PGM1: variants seen among roughly 807,000 people sequenced by gnomAD.
PGM1 encodes the protein phosphoglucomutase 1.
A neutral mutation model predicts 55.6 loss-of-function variants in PGM1; 52 were observed. The ratio of observed to expected loss-of-function variants is 0.94; its 90% CI spans 0.75 to 1.18. PGM1 has a LOEUF of 1.18. Among genes scored for constraint, PGM1 ranks in the 50% most tolerant of loss-of-function variants. The probability of loss-of-function intolerance (pLI) is 0.00; values close to 1 mark genes in which losing one functional copy is unlikely to be tolerated. For synonymous variants in PGM1, 287 were observed against 271.7 expected (o/e 1.06, Z -0.55); for missense variants, 724 against 729.3 (o/e 0.99, Z 0.08).
chr1:63,630,444 A>C (rs1023995842), intron 3 of PGM1, among the ~76,000 whole-genome samples: 1 of 152,122 alleles, frequency 6.6e-6, no homozygotes, highest in African/African-American at 2.4e-5. Context: ...TTTTATTCTC[A>C]CAGTAGATCT....
intron 4 of PGM1, among the ~76,000 whole-genome samples, chr1:63,633,258 C>T (rs1176864620): frequency 6.6e-6 from 1 of 152,076 alleles, no homozygotes; most frequent in Non-Finnish European, 1.5e-5. Flanking sequence ...GGCATGAAGG[C>T]TTAAAAATGG....
intron 6 of PGM1, among the ~76,000 whole-genome samples, 200 bp downstream of exon 6, chr1:63,636,588 G>A (rs189141848): frequency 8.8e-4 from 134 of 152,178 alleles, no homozygotes; most frequent in Non-Finnish European, 1.6e-3. Context: ...TGGCACCCTG[G>A]GCCTCCTCCT....
intron 1 of PGM1, among the ~76,000 whole-genome samples, chr1:63,611,350 T>C (rs1648560007): frequency 1.3e-5 from 2 of 152,228 alleles, no homozygotes; most frequent in South Asian, 2.1e-4. Flanking sequence ...AAGGAGATCC[T>C]TGTAGAAAGT....
At chr1:63,628,101 C>T (rs538209295) in intron 1 of PGM1, among the ~76,000 whole-genome samples, 1 of 152,238 alleles carries the variant, frequency 6.6e-6, no homozygotes, top group East Asian at 1.9e-4. Flanking sequence ...TGCAGTGGTA[C>T]TTGGGAAGAG....
rs752988330 is a variant in PGM1 at position 63,631,802 on chromosome 1, C to T, written c.682+20C>T. ...ATGGAGGTATACAATCATTTCTTTTCAATTCCCATCTCTTGAGGATAGGAA... is the reference window on the plus strand; with the variant it reads ...ATGGAGGTATACAATCATTTCTTTTTAATTCCCATCTCTTGAGGATAGGAA... On this transcript the variant is annotated intron_variant, in intron 4 of 10. Coordinates refer to ENST00000371084, the MANE Select transcript of PGM1 (RefSeq NM_002633.3). 4 of 1,612,038 alleles carry T rather than the reference C, an allele frequency of 2.5e-6. No individual in the cohort carries two copies. The Admixed American group carries it at 5.0e-5, about 20-fold the overall frequency.
chr1:63,629,643 A>G, intron 2 of PGM1, 56 bp downstream of exon 2: 1 of 1,537,378 alleles, frequency 6.5e-7, no homozygotes, highest in Non-Finnish European at 9.0e-7. Context: ...GGACAAATCA[A>G]TACCTGGAGC....
At chr1:63,608,399 C>T (rs185662798) in intron 1 of PGM1, among the ~76,000 whole-genome samples, 27 of 152,290 alleles carry the variant, frequency 1.8e-4, no homozygotes, top group African/African-American at 6.0e-4. Context: ...GCCAAATACC[C>T]GGCCCTGACC....
At position 63,604,959 on chromosome 1, in the gene PGM1, G is replaced by GTGTGTGTGTGTGTGTGTT. The variant is rs58900430; in HGVS notation, c.246+11226_246+11227insGTGTGTGTGTGTGTGTTT. Among the ~76,000 whole-genome samples the GTGTGTGTGTGTGTGTGTT allele has an allele frequency of 2.1e-3, 276 of 134,292 alleles. 3 individuals are homozygous for GTGTGTGTGTGTGTGTGTT. The highest frequency in any genetic ancestry group is 2.5e-3 in the East Asian group (12 of 4,752). The allele number at this position is 134,292 out of a possible 152,430, so 88.1% of individuals were successfully genotyped here. On this transcript the variant is annotated intron_variant, in intron 1 of 10. Transcript: ENST00000371084. Reference sequence around the variant, plus strand: ...TGTGTGTGTGTGTGTGTGTGTGTGTGTAAAGAGAGGGGATATAGTTGTATA... The same window carrying GTGTGTGTGTGTGTGTGTT: ...TGTGTGTGTGTGTGTGTGTGTGTGTGTGTGTGTGTGTGTGTGTTTAAAGAGAGGGGATATAGTTGTATA...
At chr1:63,615,367 A>C (rs1057034027) in intron 1 of PGM1, among the ~76,000 whole-genome samples, 1 of 152,036 alleles carries the variant, frequency 6.6e-6, no homozygotes, top group East Asian at 1.9e-4. Flanking sequence ...CACTCTCTGC[A>C]TTTTATGGAA....
chr1:63,613,669 A>C (rs1648628229), intron 1 of PGM1, among the ~76,000 whole-genome samples: 1 of 150,008 alleles, frequency 6.7e-6, no homozygotes, highest in Non-Finnish European at 1.5e-5. Context: ...ATAAGGTCAC[A>C]TCCCCAGGTT....
intron 1 of PGM1, among the ~76,000 whole-genome samples, chr1:63,621,387 A>G (rs1206844294): frequency 1.3e-5 from 2 of 152,128 alleles, no homozygotes; most frequent in East Asian, 3.9e-4. Flanking sequence ...TGGGATTTCA[A>G]GATCTCATTA....
Position 63,651,860 on chromosome 1 carries a change from C to T in PGM1, c.1464+8C>T, listed in dbSNP as rs1167624894. The T allele has an allele frequency of 6.2e-7, 1 of 1,612,268 alleles. No homozygotes were observed. On this transcript the variant is annotated splice_region_variant and intron_variant, in intron 9 of 10. Coordinates refer to ENST00000371084, the MANE Select transcript of PGM1 (RefSeq NM_002633.3). ...AGCATTTCAAGAAATCAGGTAGAAA[C>T]AGACCGGTGTGTAAGTGAGAGAGAG... is the stretch of plus-strand genomic sequence containing the variant.
At chr1:63,626,175 G>A (rs1273919049) in intron 1 of PGM1, among the ~76,000 whole-genome samples, 2 of 152,072 alleles carry the variant, frequency 1.3e-5, no homozygotes, top group Admixed American at 6.5e-5. Context: ...TGGCTGAGGG[G>A]GTTATCTCTA....
At chr1:63,611,389 G>T (rs1648560437) in intron 1 of PGM1, among the ~76,000 whole-genome samples, 1 of 152,140 alleles carries the variant, frequency 6.6e-6, no homozygotes, top group African/African-American at 2.4e-5. Flanking sequence ...TGTAAAGTAG[G>T]ACTCATCCTA....
At chr1:63,623,594 A>G (rs769782222) in intron 1 of PGM1, 19 of 1,612,834 alleles carry the variant, frequency 1.2e-5, no homozygotes, top group Non-Finnish European at 1.6e-5. Context: ...AAGAAAACCT[A>G]TTATTTTGAG....
At position 63,659,680 on chromosome 1, in the gene PGM1, A is replaced by T. The variant is rs901045488; in HGVS notation, c.*5A>T. On this transcript the variant is annotated 3_prime_UTR_variant, in exon 11 of 11. Transcript: ENST00000371084. ...GCACCCACTGTCATCACCTAAGAAG[A>T]CAGGCCTGATGTGGTACGTCCCTCC... 1.2e-6 allele frequency: 2 copies of T among 1,609,798 alleles called. No homozygotes were observed. The highest frequency in any genetic ancestry group is 1.7e-6 in the Non-Finnish European group (2 of 1,176,086).
At position 63,654,405 on chromosome 1, in the gene PGM1, C is replaced by T. The variant is rs1443343042; in HGVS notation, c.1538C>T (p.Thr513Ile). 2 of 1,614,108 alleles carry T rather than the reference C, an allele frequency of 1.2e-6. No individual in the cohort carries two copies. The highest frequency in any genetic ancestry group is 1.7e-6 in the Non-Finnish European group (2 of 1,179,964). ...AGCGGCACTGGGAGTGCCGGGGCCACCATTCGGCTGTACATCGATAGCTAT... is the reference window on the plus strand; with the variant it reads ...AGCGGCACTGGGAGTGCCGGGGCCATCATTCGGCTGTACATCGATAGCTAT... ...RLSGTGSAGATIRLYIDSYEK... is the reference protein window; with the variant it reads ...RLSGTGSAGAIIRLYIDSYEK... Residue 513 changes from threonine to isoleucine, a missense_variant, in exon 10 of 11, where the codon ACC becomes ATC. By Grantham distance (89) the Thr-to-Ile change is moderately conservative. This residue lies in a region of PGM1 where 316 missense variants were observed against 313.1 expected (regional missense o/e 1.01). Coordinates refer to ENST00000371084, the MANE Select transcript of PGM1 (RefSeq NM_002633.3).
intron 4 of PGM1, among the ~76,000 whole-genome samples, chr1:63,633,900 GTGTGTGTGTGTGTGTGTGTATATA>G (rs1649271601): frequency 8.9e-5 from 4 of 44,742 alleles, no homozygotes; most frequent in South Asian, 7.7e-4. Context: ...GTGTGTGTGT[GTGTGTGTGTGTGTGTGTGTATATA>G]TATATATATT....
At chr1:63,613,102 A>C (rs1648611365) in intron 1 of PGM1, among the ~76,000 whole-genome samples, 1 of 152,070 alleles carries the variant, frequency 6.6e-6, no homozygotes, top group African/African-American at 2.4e-5. Context: ...GTTTGTGTAT[A>C]TGGAGCATGG....
Sources: gnomAD v4.1 joint callset for allele counts (sites outside exome capture counted in the v4.1 genomes callset) on GRCh38, gnomAD v4.1.1 for gene constraint, gnomAD v4.1.1 regional missense constraint, MANE v1.5 for transcripts, NCBI Gene and HGNC (gene_info 2026-07-23, HGNC 2026-07-21) for gene names.